PXDNL: variants seen among roughly 807,000 people sequenced by gnomAD.
PXDNL encodes the protein peroxidasin like, also known as probable oxidoreductase PXDNL.
A neutral mutation model predicts 150.8 loss-of-function variants in PXDNL; 145 were observed. The ratio of observed to expected loss-of-function variants is 0.96; its 90% CI spans 0.84 to 1.10. The LOEUF is 1.10. Among genes scored for constraint, PXDNL ranks in the 50% least tolerant of loss-of-function variants. The pLI is 0.00. For synonymous variants in PXDNL, 757 were observed against 725.7 expected (o/e 1.04, Z -0.69); for missense variants, 2,087 against 1,873.9 (o/e 1.11, Z -2.10).
intron 3 of PXDNL, among the ~76,000 whole-genome samples, chr8:51,572,508 T>A (rs902094751): frequency 2.6e-5 from 4 of 151,718 alleles, no homozygotes; most frequent in Non-Finnish European, 5.9e-5. Flanking sequence ...AAAAGAAAAA[T>A]TCATGGAGAC....
intron 1 of PXDNL, among the ~76,000 whole-genome samples, chr8:51,784,897 T>G (rs2037446686): frequency 6.6e-6 from 1 of 152,230 alleles, no homozygotes; most frequent in Non-Finnish European, 1.5e-5. Flanking sequence ...AAAATTATAT[T>G]TCTATTAAAA....
At chr8:51,696,817 A>AGGTC (rs1816150754) in intron 1 of PXDNL, among the ~76,000 whole-genome samples, 3 of 222 alleles carry the variant, frequency 0.014, no homozygotes, top group Admixed American at 0.083. Flanking sequence ...ACACACACAC[A>AGGTC]CACACACACA....
intron 3 of PXDNL, among the ~76,000 whole-genome samples, chr8:51,575,687 T>G (rs1443043817): frequency 6.6e-6 from 1 of 151,964 alleles, no homozygotes. Flanking sequence ...TGCACTCCAG[T>G]CTGGGCGACA....
At chr8:51,708,978 T>A (rs1380849549) in intron 1 of PXDNL, among the ~76,000 whole-genome samples, 1 of 151,920 alleles carries the variant, frequency 6.6e-6, no homozygotes, top group Admixed American at 6.5e-5. Flanking sequence ...TGAAATGACA[T>A]GTTTGGGGAT....
chr8:51,421,863 C>G (rs933112989), intron 14 of PXDNL, among the ~76,000 whole-genome samples: 4 of 152,144 alleles, frequency 2.6e-5, no homozygotes, highest in Non-Finnish European at 4.4e-5. Context: ...GGTTCCCAAC[C>G]CCAGCGCCTT....
At chr8:51,756,598 T>C (rs1479763891) in intron 1 of PXDNL, among the ~76,000 whole-genome samples, 2 of 152,182 alleles carry the variant, frequency 1.3e-5, no homozygotes, top group East Asian at 3.8e-4. Flanking sequence ...AGCTTCATAG[T>C]AATGCAAATA....
intron 4 of PXDNL, among the ~76,000 whole-genome samples, chr8:51,526,892 C>T (rs1811781417): frequency 3.3e-5 from 5 of 152,166 alleles, no homozygotes; most frequent in Admixed American, 3.3e-4. Context: ...CACATTGGCA[C>T]AGCAATGCTT....
intron 21 of PXDNL, among the ~76,000 whole-genome samples, chr8:51,322,909 CA>C (rs1262958191): frequency 3.9e-5 from 6 of 152,110 alleles, no homozygotes; most frequent in African/African-American, 1.2e-4. Flanking sequence ...TGATATGTAC[CA>C]GCTAATACAC....
intron 1 of PXDNL, among the ~76,000 whole-genome samples, chr8:51,738,272 T>C (rs376535074): frequency 6.6e-6 from 1 of 152,248 alleles, no homozygotes; most frequent in East Asian, 1.9e-4. Flanking sequence ...TATGAGACTC[T>C]GCCCCTGATA....
chr8:51,554,920 A>C, intron 4 of PXDNL, among the ~76,000 whole-genome samples: 1 of 152,086 alleles, frequency 6.6e-6, no homozygotes, highest in African/African-American at 2.4e-5. Context: ...ATGGCAATAC[A>C]AGCTTTTTCT....
intron 1 of PXDNL, among the ~76,000 whole-genome samples, chr8:51,758,991 T>C (rs1235346449): frequency 3.3e-5 from 5 of 152,174 alleles, no homozygotes; most frequent in Non-Finnish European, 7.3e-5. Context: ...CCTTTTGTTT[T>C]GAGGACAAAG....
intron 1 of PXDNL, among the ~76,000 whole-genome samples, chr8:51,805,081 T>C (rs1277166119): frequency 6.6e-6 from 1 of 151,782 alleles, no homozygotes; most frequent in Non-Finnish European, 1.5e-5. Flanking sequence ...GTTTCATTTC[T>C]CTCCCCAACA....
At chr8:51,494,526 A>T (rs1378799881) in intron 5 of PXDNL, among the ~76,000 whole-genome samples, 2 of 152,188 alleles carry the variant, frequency 1.3e-5, no homozygotes. Flanking sequence ...TGCTGTATTT[A>T]GCAAACCCAT....
intron 17 of PXDNL, among the ~76,000 whole-genome samples, chr8:51,404,243 G>A (rs1044979028): frequency 6.6e-5 from 10 of 152,228 alleles, no homozygotes; most frequent in African/African-American, 9.6e-5. Flanking sequence ...AGAGACCGGA[G>A]TGGATTGCCA....
At chr8:51,530,894 A>T (rs1002761609) in intron 4 of PXDNL, among the ~76,000 whole-genome samples, 1 of 150,198 alleles carries the variant, frequency 6.7e-6, no homozygotes, top group Admixed American at 6.6e-5. Flanking sequence ...CCCTGAGGCC[A>T]GTACTTTGTT....
At chr8:51,427,486 C>T (rs1809138570) in intron 12 of PXDNL, among the ~76,000 whole-genome samples, 1 of 151,824 alleles carries the variant, frequency 6.6e-6, no homozygotes, top group Non-Finnish European at 1.5e-5. Context: ...AACATATATA[C>T]AAAAATCATT....
intron 2 of PXDNL, among the ~76,000 whole-genome samples, chr8:51,608,447 G>A (rs1048256653): frequency 2.7e-5 from 4 of 147,786 alleles, no homozygotes; most frequent in Non-Finnish European, 5.9e-5. Flanking sequence ...CCAAAGTCAT[G>A]ATGTCATCAG....
intron 1 of PXDNL, among the ~76,000 whole-genome samples, chr8:51,724,616 C>T (rs993115877): frequency 3.9e-5 from 6 of 152,178 alleles, no homozygotes; most frequent in Non-Finnish European, 7.4e-5. Flanking sequence ...ATACATAGTT[C>T]TCCTTAGTCC....
intron 1 of PXDNL, among the ~76,000 whole-genome samples, chr8:51,797,873 A>C (rs13250133): frequency 0.062 from 9,403 of 152,296 alleles, 381 homozygotes; most frequent in Non-Finnish European, 0.088. Context: ...AGCCAAGACA[A>C]TCCTAAGCAA....
Sources: allele counts gnomAD v4.1 joint callset (sites outside exome capture counted in the v4.1 genomes callset), GRCh38; gene constraint gnomAD v4.1.1; transcripts MANE v1.5; gene names NCBI Gene and HGNC (gene_info 2026-07-23, HGNC 2026-07-21).